The following NEMF variants were observed in gnomAD, a reference collection of about 807,000 sequenced individuals.
NEMF encodes nuclear export mediator factor.
Under a neutral mutation model 162.2 loss-of-function variants are expected in NEMF, and 89 were observed. That is an observed-to-expected ratio of 0.55 (90% confidence interval 0.46 to 0.65). The LOEUF (loss-of-function observed/expected upper bound fraction) is 0.65, where lower values mean the gene tolerates loss of function less well. Ranked by LOEUF, NEMF falls within the 30% of genes least tolerant of loss-of-function variation. The pLI is 0.00. For missense variants in NEMF, 1,133 were observed against 1,261.9 expected (o/e 0.90, Z 1.55); for synonymous variants, 421 against 404.5 (o/e 1.04, Z -0.49).
Position 49,782,527 on chromosome 14 carries a change from C to T in NEMF, c.*2109G>A. The T allele has an allele frequency of 1.9e-6, 3 of 1,603,452 alleles. No homozygotes were observed. Among genetic ancestry groups the T allele is most frequent in the Non-Finnish European group, 2.6e-6 (3 of 1,172,568 alleles). ...GCATTTGCTTTTAAATGTGTTCTTC[C>T]TATTTATTTTTCAGGCACACAGTAA... On this transcript the variant is annotated 3_prime_UTR_variant, in exon 33 of 33. Transcript: ENST00000298310.
chr14:49,828,332 CAT>C lies in NEMF; in HGVS notation c.1445_1446del (p.Tyr482CysfsTer3). The C allele has an allele frequency of 6.3e-7, 1 of 1,599,998 alleles. No homozygotes were observed. The highest frequency in any genetic ancestry group is 8.5e-7 in the Non-Finnish European group (1 of 1,170,186). ...NAKKYYDHKR[Y>X]AAKKTQKTVE... ...ACAGTCTTTTGTGTTTTCTTAGCAG[CAT>C]ATCTCTTGTGATCATAATACCTAGA... is the stretch of plus-strand genomic sequence containing the variant. On this transcript the variant is annotated frameshift_variant, in exon 15 of 33. Coordinates refer to ENST00000298310, the MANE Select transcript of NEMF (RefSeq NM_004713.6). LOFTEE classifies it high-confidence loss of function.
chr14:49,833,825 A>G (rs997190778), intron 7 of NEMF, among the ~76,000 whole-genome samples: 7 of 152,196 alleles, frequency 4.6e-5, no homozygotes, highest in Non-Finnish European at 1.0e-4. Context: ...TACAGTTTTA[A>G]TTACTATAGC....
chr14:49,812,799 C>CT (rs1045527980), intron 18 of NEMF, among the ~76,000 whole-genome samples: 55 of 144,292 alleles, frequency 3.8e-4, no homozygotes, highest in Non-Finnish European at 4.4e-4. Flanking sequence ...TGTATTGAGG[C>CT]TTTTTTTTTT....
At chr14:49,804,290 C>G (rs1891087532) in intron 19 of NEMF, among the ~76,000 whole-genome samples, 1 of 152,030 alleles carries the variant, frequency 6.6e-6, no homozygotes, top group South Asian at 2.1e-4. Context: ...AGGCATGAGG[C>G]AAAAGTAACC....
At chr14:49,808,544 T>C (rs941113971) in intron 18 of NEMF, among the ~76,000 whole-genome samples, 1 of 152,184 alleles carries the variant, frequency 6.6e-6, no homozygotes, top group Non-Finnish European at 1.5e-5. Context: ...TTTGGTATCA[T>C]ATCTAAGAAA....
At chr14:49,841,578 GAAA>G (rs535773426) in intron 4 of NEMF, among the ~76,000 whole-genome samples, 1 of 73,314 alleles carries the variant, frequency 1.4e-5, no homozygotes, top group African/African-American at 4.8e-5. Context: ...CTCGTCTTAA[GAAA>G]AAAAAAAAAA....
intron 18 of NEMF, among the ~76,000 whole-genome samples, chr14:49,809,851 ACT>A (rs1891388515): frequency 6.6e-6 from 1 of 151,556 alleles, no homozygotes; most frequent in Admixed American, 6.6e-5. Context: ...ACAGAGCGAG[ACT>A]CTGTCTCAAA....
intron 25 of NEMF, among the ~76,000 whole-genome samples, chr14:49,798,926 A>C (rs1890819148): frequency 6.6e-6 from 1 of 151,546 alleles, no homozygotes; most frequent in Non-Finnish European, 1.5e-5. Flanking sequence ...GAAAATGTTA[A>C]GTGAAGGCCG....
intron 19 of NEMF, among the ~76,000 whole-genome samples, chr14:49,805,499 T>C (rs1191498871): frequency 4.4e-4 from 3 of 6,872 alleles, no homozygotes; most frequent in Non-Finnish European, 9.6e-4. Context: ...CTCATCTCTA[T>C]AAAGAAAAAA....
chr14:49,818,703 A>G (rs1891843391), intron 16 of NEMF, among the ~76,000 whole-genome samples: 1 of 152,174 alleles, frequency 6.6e-6, no homozygotes, highest in Admixed American at 6.5e-5. Flanking sequence ...AATCAGGAGT[A>G]ATATATGTAA....
At chr14:49,846,916 C>T (rs1385624031) in intron 3 of NEMF, among the ~76,000 whole-genome samples, 2 of 152,200 alleles carry the variant, frequency 1.3e-5, no homozygotes, top group South Asian at 2.1e-4. Flanking sequence ...GAGAGAGTCT[C>T]GCTCTGTCGC....
chr14:49,851,217 A>C (rs1017843428), intron 3 of NEMF, among the ~76,000 whole-genome samples: 2 of 152,208 alleles, frequency 1.3e-5, no homozygotes, highest in African/African-American at 4.8e-5. Context: ...AACGAACAAA[A>C]AAACAAACAA....
At chr14:49,792,611 C>T (rs1157897950) in intron 26 of NEMF, among the ~76,000 whole-genome samples, 1 of 152,158 alleles carries the variant, frequency 6.6e-6, no homozygotes, top group Non-Finnish European at 1.5e-5. Context: ...AAAAAACAGG[C>T]AGAGACGGTA....
intron 3 of NEMF, among the ~76,000 whole-genome samples, chr14:49,850,052 G>A (rs1893695649): frequency 6.6e-6 from 1 of 152,110 alleles, no homozygotes; most frequent in Non-Finnish European, 1.5e-5. Flanking sequence ...AGCGGAGCAG[G>A]AAGGAAATGA....
intron 26 of NEMF, among the ~76,000 whole-genome samples, chr14:49,794,083 C>T (rs1019847585): frequency 6.6e-6 from 1 of 152,108 alleles, no homozygotes; most frequent in Non-Finnish European, 1.5e-5. Flanking sequence ...TGCTAAATAT[C>T]AGGTAGTGGT....
intron 18 of NEMF, among the ~76,000 whole-genome samples, chr14:49,811,158 G>A (rs527527854): frequency 3.8e-4 from 58 of 152,194 alleles, no homozygotes; most frequent in Middle Eastern, 3.4e-3. Flanking sequence ...ATCTATAAGC[G>A]TTGTAAGTCT....
At chr14:49,802,812 T>G in intron 20 of NEMF, 85 bp from the exon 21 acceptor site, 1 of 901,178 alleles carries the variant, frequency 1.1e-6, no homozygotes, top group East Asian at 2.4e-5. Context: ...TAGTGTCAGA[T>G]GACACTAATG....
chr14:49,839,819 C>T (rs186587536), intron 5 of NEMF: 27 of 152,174 alleles, frequency 1.8e-4, no homozygotes, highest in Non-Finnish European at 3.7e-4. Context: ...TTAAGTGTTC[C>T]ATATTTTTTA....
intron 16 of NEMF, among the ~76,000 whole-genome samples, chr14:49,824,450 T>G (rs1258873429): frequency 7.2e-6 from 1 of 139,146 alleles, no homozygotes; most frequent in East Asian, 2.1e-4. Context: ...GGCTGAGGCA[T>G]GAGAATCGCT....
Sources: gnomAD v4.1 joint callset for allele counts (sites outside exome capture counted in the v4.1 genomes callset) on GRCh38, gnomAD v4.1.1 for gene constraint, MANE v1.5 for transcripts, NCBI Gene and HGNC (gene_info 2026-07-23, HGNC 2026-07-21) for gene names.